VSIG10L2: variants seen among roughly 807,000 people sequenced by gnomAD.
The protein encoded by VSIG10L2 is V-set and immunoglobulin domain-containing protein 10-like 2.
In VSIG10L2, 56 loss-of-function variants were observed where a neutral mutation model predicts 67.1. The ratio of observed to expected loss-of-function variants is 0.83; its 90% CI spans 0.67 to 1.04. The LOEUF (loss-of-function observed/expected upper bound fraction) is 1.04. VSIG10L2 is among the 50% of genes least tolerant of loss of function. VSIG10L2 has a pLI of 0.00. For synonymous variants in VSIG10L2, 360 were observed against 396.6 expected, an observed-to-expected ratio of 0.91 and a Z score of 1.10; for missense variants, 843 against 932.8, an observed-to-expected ratio of 0.90 and a Z score of 1.25.
chr11:125,948,421 C>T lies in VSIG10L2; in HGVS notation c.550C>T (p.His184Tyr). ...AGAGCCCGTGACCTTTGCCTGGCAG[C>T]ATCGGGCACCCCGAGGCCTTGGAGA... ...GTEPVTFAWQ[H>Y]RAPRGLGEAL... The change falls in exon 3 of 12, where the codon CAT (histidine) becomes TAT (tyrosine). Residue 184 changes from histidine to tyrosine, a missense_variant. This residue lies in a region of VSIG10L2 where 446 missense variants were observed against 548.4 expected (regional missense o/e 0.81). Coordinates refer to ENST00000686984, the MANE Select transcript of VSIG10L2 (RefSeq NM_001365077.2). The T allele has an allele frequency of 1.6e-6, 2 of 1,232,436 alleles. No homozygotes were observed. Among genetic ancestry groups the T allele is most frequent in the Non-Finnish European group, 2.0e-6 (2 of 988,178 alleles). The allele number at this position is 1,232,436 out of a possible 1,614,324, so 76.3% of individuals were successfully genotyped here. A position where few individuals can be genotyped will look rare whatever the true frequency, so the allele number is the denominator to read the frequency against.
In VSIG10L2 at chr11:125,950,981, C is replaced by T. The variant is rs1945359966; in HGVS notation, c.1057C>T (p.Pro353Ser). ...GGCTGTGACCCTGCTCTGTGCCTGG[C>T]CTGGGGGGCTTCCGCCTGCCCAACT... ...PEAVTLLCAW[P>S]GGLPPAQLQW... The change falls in exon 5 of 12, where the codon CCT becomes TCT. Residue 353 changes from proline (P) to serine (S), a missense_variant. Physicochemically the swap from Pro to Ser is moderately conservative, Grantham distance 74. Transcript: ENST00000686984. 8.1e-7 allele frequency: 1 copy of T among 1,232,450 alleles called. No individual in the cohort carries two copies. 76.3% of individuals were successfully genotyped at this position (1,232,450 alleles called of 1,614,324 possible).
rs1339690234 is a variant in VSIG10L2 at position 125,951,047 on chromosome 11, A to G, written c.1123A>G (p.Ser375Gly). The G allele has an allele frequency of 8.1e-7, 1 of 1,232,394 alleles. No homozygotes were observed. Among genetic ancestry groups the G allele is most frequent in the African/African-American group, 1.5e-5 (1 of 64,536 alleles). 76.3% of individuals were successfully genotyped at this position (1,232,394 alleles called of 1,614,324 possible). A position where few individuals can be genotyped will look rare whatever the true frequency, so the allele number is the denominator to read the frequency against. The change falls in exon 5 of 12, where the codon AGC becomes GGC. Residue 375 changes from serine (S) to glycine (G), a missense_variant. Ser to Gly is a moderately conservative substitution (Grantham distance 56). Transcript: ENST00000686984. The part of the protein sequence containing the change: ...GPQGPGPTAP[S>G]NVTWSHAAAQ... ...TCAGGGACCTGGCCCTACTGCCCCCAGCAACGTCACCTGGAGTCACGCAGC... is the reference window on the plus strand; with the variant it reads ...TCAGGGACCTGGCCCTACTGCCCCCGGCAACGTCACCTGGAGTCACGCAGC...
Position 125,948,228 on chromosome 11 carries a change from G to A in VSIG10L2, c.434-77G>A, listed in dbSNP as rs1350422449. The A allele has an allele frequency of 2.4e-6, 3 of 1,231,890 alleles. No homozygotes were observed. The East Asian group carries it at 9.5e-5, about 39-fold the overall frequency. The allele number at this position is 1,231,890 out of a possible 1,614,324, so 76.3% of individuals were successfully genotyped here. A position where few individuals can be genotyped will look rare whatever the true frequency, so the allele number is the denominator to read the frequency against. ...TGGGCTGGTGAGTCCCCAGCCAGCA[G>A]GGGTGGGGGCGCTGGACACAGCTGG... On this transcript the variant is annotated intron_variant, in intron 2 of 11. Transcript: ENST00000686984.
chr11:125,956,111 C>A lies in VSIG10L2; in HGVS notation c.*197C>A. On this transcript the variant is annotated 3_prime_UTR_variant, in exon 12 of 12. Coordinates refer to ENST00000686984, the MANE Select transcript of VSIG10L2 (RefSeq NM_001365077.2). ...GACATGGTTACAAGAGAAGCCCTGG[C>A]CCACCTTGTGGAAGACAGAGGTGGC... 1.5e-6 allele frequency: 1 copy of A among 679,902 alleles called. No homozygotes were observed. The highest frequency in any genetic ancestry group is 2.7e-6 in the Non-Finnish European group (1 of 371,604). 42.1% of individuals were successfully genotyped at this position (679,902 alleles called of 1,614,324 possible).
Position 125,946,555 on chromosome 11 carries a change from T to G in VSIG10L2, c.82+418T>G, listed in dbSNP as rs1189006296. Among the ~76,000 whole-genome samples the G allele has an allele frequency of 6.6e-6, 1 of 151,806 alleles. No homozygotes were observed. Among genetic ancestry groups the G allele is most frequent in the East Asian group, 1.9e-4 (1 of 5,182 alleles). On this transcript the variant is annotated intron_variant, in intron 1 of 11. Transcript: ENST00000686984. This position sits in a 1 kb window ranked among gnomAD's most constrained non-coding sequence, Gnocchi z 4.4. Reference sequence around the variant, plus strand: ...TACATATTTTTATTCTTTTTTTTTTTTTGAGATGGAGTCTTGCTGTCACCC... The same window carrying G: ...TACATATTTTTATTCTTTTTTTTTTGTTGAGATGGAGTCTTGCTGTCACCC...
chr11:125,955,263 C>T lies in VSIG10L2; in HGVS notation c.2206+84C>T, dbSNP rs563380284. The T allele has an allele frequency of 9.5e-5, 124 of 1,310,670 alleles. 1 individual carries two copies. In the Middle Eastern group the frequency reaches 1.4e-3, roughly 15 times the overall value. The allele number at this position is 1,310,670 out of a possible 1,614,324, so 81.2% of individuals were successfully genotyped here. ...CTATCCAAAGGAGAGATGCAGCACT[C>T]CCGGGGGAGAAGAATCTAGGCTCTT... is the stretch of plus-strand genomic sequence containing the variant. On this transcript the variant is annotated intron_variant, in intron 9 of 11. Transcript: ENST00000686984.
intron 1 of VSIG10L2, 86 bp from the exon 2 acceptor site, chr11:125,947,600 C>CAA (rs1565475362): frequency 2.4e-6 from 3 of 1,231,540 alleles, no homozygotes; most frequent in African/African-American, 1.6e-5. Context: ...GACTGCAGAA[C>CAA]CAAAAAGAGA....
At chr11:125,949,256 T>C (rs1945333114) in intron 3 of VSIG10L2, among the ~76,000 whole-genome samples, 1 of 151,692 alleles carries the variant, frequency 6.6e-6, no homozygotes, top group African/African-American at 2.4e-5. Context: ...TTTTTGTTTT[T>C]GTTTTCTGCT....
In VSIG10L2 at chr11:125,948,309, G is replaced by A. The variant is rs767117668; in HGVS notation, c.438G>A (p.Pro146=). The change falls in exon 3 of 12, where the codon CCG becomes CCA. Residue 146 remains proline, a synonymous_variant. Coordinates refer to ENST00000686984, the MANE Select transcript of VSIG10L2 (RefSeq NM_001365077.2). The part of the protein sequence containing the change: ...YSHLTLAVLV[P]VSKPQVRLSN... Reference sequence around the variant, plus strand: ...GCCTCTCCCTCCTCTGGCCAGTGCCGGTGTCCAAGCCTCAAGTGCGACTGA... The same window carrying A: ...GCCTCTCCCTCCTCTGGCCAGTGCCAGTGTCCAAGCCTCAAGTGCGACTGA... 6.8e-5 allele frequency: 84 copies of A among 1,232,298 alleles called. No homozygotes were observed. In the Middle Eastern group the frequency reaches 1.2e-3, roughly 18 times the overall value. 76.3% of individuals were successfully genotyped at this position (1,232,298 alleles called of 1,614,324 possible). A position where few individuals can be genotyped will look rare whatever the true frequency, so the allele number is the denominator to read the frequency against.
chr11:125,947,462 C>T, intron 1 of VSIG10L2: 2 of 985,448 alleles, frequency 2.0e-6, no homozygotes, highest in Non-Finnish European at 2.4e-6. Flanking sequence ...CATTCTCTGA[C>T]TTCAGTCAAC....
intron 11 of VSIG10L2, 66 bp from the exon 12 acceptor site, chr11:125,955,751 G>A: frequency 8.3e-7 from 1 of 1,208,704 alleles, no homozygotes. Context: ...TCTCTCTTGA[G>A]CTCTGGGAAC....
In VSIG10L2 at chr11:125,947,812, C is replaced by A. The variant is rs768816981; in HGVS notation, c.209C>A (p.Thr70Asn). 15 of 1,232,514 alleles carry A rather than the reference C, an allele frequency of 1.2e-5. No homozygotes were observed. The highest frequency in any genetic ancestry group is 1.5e-5 in the Non-Finnish European group (15 of 988,260). 76.3% of individuals were successfully genotyped at this position (1,232,514 alleles called of 1,614,324 possible). ...CCGCTGCTGGTCCTCTGGAGCTTCA[C>A]CCCCCTGGGCTCCCTGGTTCCCCGG... The part of the protein sequence containing the change: ...PAPLLVLWSF[T>N]PLGSLVPRPV... The change falls in exon 2 of 12, where the codon ACC becomes AAC. Residue 70 changes from threonine to asparagine, a missense_variant. By Grantham distance (65) the Thr-to-Asn change is moderately conservative (BLOSUM62 0). Transcript: ENST00000686984.
chr11:125,954,550 C>T (rs1945425197), intron 8 of VSIG10L2, among the ~76,000 whole-genome samples, 167 bp downstream of exon 8: 1 of 152,172 alleles, frequency 6.6e-6, no homozygotes, highest in Admixed American at 6.5e-5. Flanking sequence ...CTCAGATAAT[C>T]TCCACGACTC....
intron 5 of VSIG10L2, 36 bp downstream of exon 5, chr11:125,951,194 T>C (rs1945363827): frequency 1.6e-6 from 2 of 1,232,440 alleles, no homozygotes; most frequent in Non-Finnish European, 2.0e-6. Context: ...GCTCTGACAT[T>C]CCAGGCAGAG....
chr11:125,946,761 C>G lies in VSIG10L2; in HGVS notation c.82+624C>G, dbSNP rs1001823729. Among the ~76,000 whole-genome samples, 5 of 152,174 alleles carry G rather than the reference C, an allele frequency of 3.3e-5. No homozygotes were observed. The highest frequency in any genetic ancestry group is 1.2e-4 in the African/African-American group (5 of 41,460). ...CCATGTTGGCCAGGCTGGTCTCAAACTCCTGACCTCAGGTGATCTGCCCGC... is the reference window on the plus strand; with the variant it reads ...CCATGTTGGCCAGGCTGGTCTCAAAGTCCTGACCTCAGGTGATCTGCCCGC... On this transcript the variant is annotated intron_variant, in intron 1 of 11. Transcript: ENST00000686984. This position sits in a 1 kb window ranked among gnomAD's most constrained non-coding sequence, Gnocchi z 4.4.
At chr11:125,954,453 C>G (rs1006701798) in intron 8 of VSIG10L2, 70 bp downstream of exon 8, 1 of 1,180,076 alleles carries the variant, frequency 8.5e-7, no homozygotes, top group African/African-American at 1.6e-5. Flanking sequence ...TCTTCCTCTT[C>G]ACAGGGCATC....
chr11:125,954,420 C>T (rs1163986904), intron 8 of VSIG10L2, 37 bp downstream of exon 8: 4 of 1,230,850 alleles, frequency 3.2e-6, no homozygotes, highest in Non-Finnish European at 4.1e-6. Context: ...CACCTTTTCT[C>T]CAAAGCGCTG....
rs188202532 is a variant in VSIG10L2, at chr11:125,947,952, C to G, written c.349C>G (p.Arg117Gly). 5 of 1,232,320 alleles carry G rather than the reference C, an allele frequency of 4.1e-6. No individual in the cohort carries two copies. The highest frequency in any genetic ancestry group is 3.0e-6 in the Non-Finnish European group (3 of 988,118). 76.3% of individuals were successfully genotyped at this position (1,232,320 alleles called of 1,614,324 possible). A position where few individuals can be genotyped will look rare whatever the true frequency, so the allele number is the denominator to read the frequency against. Residue 117 changes from arginine to glycine, a missense_variant, in exon 2 of 12, where the codon CGT becomes GGT. By Grantham distance (125) the Arg-to-Gly change is moderately radical. Coordinates refer to ENST00000686984, the MANE Select transcript of VSIG10L2 (RefSeq NM_001365077.2). ...GCTGGGGGAGCTTCACGAGGGTGCC[C>G]GTGGCCACTTCCTATGCCAGGTTCT... ...LVLGELHEGA[R>G]GHFLCQVLHV...
In VSIG10L2 at chr11:125,946,272, C is replaced by G. The variant is rs1945302648; in HGVS notation, c.82+135C>G. 1 of 396,362 alleles carries G rather than the reference C, an allele frequency of 2.5e-6. No homozygotes were observed. The highest frequency in any genetic ancestry group is 4.4e-6 in the Non-Finnish European group (1 of 225,186). 24.6% of individuals were successfully genotyped at this position (396,362 alleles called of 1,614,324 possible). ...AGTCATTCATCGGCTAGACATTTAA[C>G]TAGCGTTCACTGAGCGACTACTATG... On this transcript the variant is annotated intron_variant, in intron 1 of 11. Coordinates refer to ENST00000686984, the MANE Select transcript of VSIG10L2 (RefSeq NM_001365077.2). The surrounding 1 kb of genome is among the most constrained non-coding windows in gnomAD (Gnocchi z 4.4).
Sources: allele counts gnomAD v4.1 joint callset (sites outside exome capture counted in the v4.1 genomes callset), GRCh38; gene constraint gnomAD v4.1.1; regional missense constraint gnomAD v4.1.1; non-coding constraint Gnocchi (gnomAD v3.1); transcripts MANE v1.5; gene names NCBI Gene and HGNC (gene_info 2026-07-23, HGNC 2026-07-21).